BRWD1: variants seen among roughly 807,000 people sequenced by gnomAD.
BRWD1 encodes the protein bromodomain and WD repeat domain containing 1, also known as bromodomain and WD repeat-containing protein 1.
A neutral mutation model predicts 251.2 loss-of-function variants in BRWD1; 82 were observed. That is an observed-to-expected ratio of 0.33 (90% CI 0.27 to 0.39). The LOEUF (loss-of-function observed/expected upper bound fraction) is 0.39. Among genes scored for constraint, BRWD1 ranks in the 10% least tolerant of loss-of-function variants. The pLI is 1.00. For missense variants in BRWD1, 2,233 were observed against 2,711.6 expected, an observed-to-expected ratio of 0.82 and a Z score of 3.92; for synonymous variants, 918 against 902.8, an observed-to-expected ratio of 1.02 and a Z score of -0.30.
chr21:39,189,113 A>T lies in BRWD1; in HGVS notation c.*7146T>A, dbSNP rs2031409727. The stretch of plus-strand genomic sequence containing the variant: ...ATCTTTAACACATTAAATCAATGTT[A>T]GCAAATGCTAAAATGTAAATATGCT... On this transcript the variant is annotated 3_prime_UTR_variant, in exon 41 of 41. Coordinates refer to ENST00000342449, the MANE Select transcript of BRWD1 (RefSeq NM_033656.4). 1 of 984,164 alleles carries T rather than the reference A, an allele frequency of 1.0e-6. No homozygotes were observed. Among genetic ancestry groups the T allele is most frequent in the Admixed American group, 6.1e-5 (1 of 16,266 alleles). The allele number at this position is 984,164 out of a possible 1,614,324, so 61.0% of individuals were successfully genotyped here.
chr21:39,272,088 G>A lies in BRWD1; in HGVS notation c.1245-1655C>T, dbSNP rs866838611. On this transcript the variant is annotated intron_variant, in intron 13 of 40. Transcript: ENST00000342449. Reference sequence around the variant, plus strand: ...AATTACAAAAAAAAAACACACAGAAGAGAGAATAATTCTAACTAGATTGAT... The same window carrying A: ...AATTACAAAAAAAAAACACACAGAAAAGAGAATAATTCTAACTAGATTGAT... Among the ~76,000 whole-genome samples the A allele has an allele frequency of 1.1e-3, 172 of 149,622 alleles. 6 individuals carry two copies. The highest frequency in any genetic ancestry group is 4.4e-4 in the Non-Finnish European group (30 of 67,594).
At chr21:39,250,483 TTAG>T (rs1343231698) in intron 20 of BRWD1, among the ~76,000 whole-genome samples, 1 of 151,768 alleles carries the variant, frequency 6.6e-6, no homozygotes, top group Non-Finnish European at 1.5e-5. Context: ...AATGAGAATT[TTAG>T]TAGAAAACTG....
In BRWD1 at chr21:39,196,489, A is replaced by C. The variant is rs2031822469; in HGVS notation, c.6580T>G (p.Phe2194Val). 8 of 1,613,334 alleles carry C rather than the reference A, an allele frequency of 5.0e-6. No individual in the cohort carries two copies. The South Asian group carries it at 7.7e-5, about 16-fold the overall frequency. ...ACAGTTTTAGATATGTTAGCTGTAA[A>C]AGTTTTACCTTTTCTAACTACTTTT... is the stretch of plus-strand genomic sequence containing the variant. Reference protein sequence around the residue: ...KAKVVRKGKTFTANISKTVRR... With the variant: ...KAKVVRKGKTVTANISKTVRR... Residue 2194 changes from phenylalanine (F) to valine (V), a missense_variant, in exon 41 of 41, where the codon TTT becomes GTT. Phe to Val is a conservative substitution (Grantham distance 50). Transcript: ENST00000342449.
In BRWD1 at chr21:39,197,367, C is replaced by T. The variant is rs1467078657; in HGVS notation, c.5702G>A (p.Arg1901Lys). Residue 1901 changes from arginine to lysine, a missense_variant, in exon 41 of 41, where the codon AGG becomes AAG. Physicochemically the swap from Arg to Lys is conservative, Grantham distance 26. Coordinates refer to ENST00000342449, the MANE Select transcript of BRWD1 (RefSeq NM_033656.4). ...ACTGTCTGAGTCACTGGAACAGACC[C>T]TTTTCCTGGAAATTTTTCTGCTTAG... ...NGLSRKISRK[R>K]VCSSDSDSSL... 3.1e-6 allele frequency: 5 copies of T among 1,606,106 alleles called. No individual in the cohort carries two copies. The highest frequency in any genetic ancestry group is 1.3e-5 in the African/African-American group (1 of 74,502).
At chr21:39,201,605 G>A (rs763960880) in intron 38 of BRWD1, among the ~76,000 whole-genome samples, 5 of 152,078 alleles carry the variant, frequency 3.3e-5, no homozygotes, top group Admixed American at 6.6e-5. Flanking sequence ...TATCACTAGT[G>A]CCATTTTCAA....
chr21:39,187,016 C>T lies in BRWD1; in HGVS notation c.*9243G>A. On this transcript the variant is annotated 3_prime_UTR_variant, in exon 41 of 41. Transcript: ENST00000342449. Reference sequence around the variant, plus strand: ...TGTTTTCAGATGCCACTTCTACATTCTCATAGTCACTATTGTGCATTTTCT... The same window carrying T: ...TGTTTTCAGATGCCACTTCTACATTTTCATAGTCACTATTGTGCATTTTCT... 1 of 1,538,332 alleles carries T rather than the reference C, an allele frequency of 6.5e-7. No individual in the cohort carries two copies. Among genetic ancestry groups the T allele is most frequent in the Non-Finnish European group, 8.7e-7 (1 of 1,149,890 alleles).
intron 37 of BRWD1, among the ~76,000 whole-genome samples, chr21:39,205,354 G>C (rs2032337992): frequency 7.2e-6 from 1 of 139,648 alleles, no homozygotes; most frequent in Non-Finnish European, 1.6e-5. Context: ...ACACACCCCT[G>C]TTATCCCAAC....
Position 39,191,310 on chromosome 21 carries a change from A to G in BRWD1, c.*4949T>C. On this transcript the variant is annotated 3_prime_UTR_variant, in exon 41 of 41. Coordinates refer to ENST00000342449, the MANE Select transcript of BRWD1 (RefSeq NM_033656.4). ...GCACCCCTATATTCTGCCTGCATGA[A>G]AAGAAATTACCAGTGGAAAAGAGGT... 1.0e-6 allele frequency: 1 copy of G among 985,364 alleles called. No individual in the cohort carries two copies. Among genetic ancestry groups the G allele is most frequent in the Non-Finnish European group, 1.2e-6 (1 of 829,912 alleles). The allele number at this position is 985,364 out of a possible 1,614,324, so 61.0% of individuals were successfully genotyped here. A position where few individuals can be genotyped will look rare whatever the true frequency, so the allele number is the denominator to read the frequency against.
At chr21:39,258,410 T>G in intron 18 of BRWD1, 77 bp downstream of exon 18, 1 of 1,242,616 alleles carries the variant, frequency 8.0e-7, no homozygotes, top group East Asian at 2.5e-5. Flanking sequence ...ACATTACATG[T>G]ACCTGACAAA....
chr21:39,303,706 C>G (rs2036194272), intron 4 of BRWD1, among the ~76,000 whole-genome samples: 1 of 150,398 alleles, frequency 6.6e-6, no homozygotes, highest in Admixed American at 6.6e-5. Flanking sequence ...GCCTGTGGTT[C>G]CAGCTACTCA....
At chr21:39,285,779 A>G (rs1254242226) in intron 8 of BRWD1, among the ~76,000 whole-genome samples, 1 of 148,974 alleles carries the variant, frequency 6.7e-6, no homozygotes, top group East Asian at 2.0e-4. Flanking sequence ...ACACAAAAAA[A>G]CTTAGCCAGG....
chr21:39,262,789 A>G (rs536233369), intron 17 of BRWD1, among the ~76,000 whole-genome samples: 6 of 152,322 alleles, frequency 3.9e-5, no homozygotes, highest in African/African-American at 1.2e-4. Context: ...CACTGATTAC[A>G]AGGGACTGGG....
intron 17 of BRWD1, among the ~76,000 whole-genome samples, chr21:39,259,368 G>A (rs1016583444): frequency 6.6e-6 from 1 of 152,096 alleles, no homozygotes. Context: ...TTGGCTTACT[G>A]CAAGCTCTGC....
chr21:39,200,560 G>A lies in BRWD1; in HGVS notation c.4586-174C>T, dbSNP rs187779592. Reference sequence around the variant, plus strand: ...TCCCAAAAAAAGCTGATGAAATTTGGAGTATTAAAAGGTACATAATCAGCA... The same window carrying A: ...TCCCAAAAAAAGCTGATGAAATTTGAAGTATTAAAAGGTACATAATCAGCA... On this transcript the variant is annotated intron_variant, in intron 38 of 40. Transcript: ENST00000342449. The A allele has an allele frequency of 6.0e-6, 3 of 501,126 alleles. No individual in the cohort carries two copies. In the East Asian group the frequency reaches 1.1e-4, roughly 18 times the overall value. The allele number at this position is 501,126 out of a possible 1,614,324, so 31.0% of individuals were successfully genotyped here. A position where few individuals can be genotyped will look rare whatever the true frequency, so the allele number is the denominator to read the frequency against.
chr21:39,277,776 G>A (rs1311975212), intron 10 of BRWD1, among the ~76,000 whole-genome samples: 1 of 152,052 alleles, frequency 6.6e-6, no homozygotes, highest in East Asian at 1.9e-4. Context: ...ATGTTGGTCA[G>A]GATGGTCTCG....
At chr21:39,314,854 GTTCC>G (rs1276585949), upstream of BRWD1, 1 of 157,638 alleles carries the variant, frequency 6.3e-6, no homozygotes. Context: ...GGGTCTCAGT[GTTCC>G]TTACTAGTAA....
intron 25 of BRWD1, among the ~76,000 whole-genome samples, chr21:39,230,101 A>C (rs1317026809): frequency 1.3e-5 from 2 of 152,228 alleles, no homozygotes; most frequent in Non-Finnish European, 2.9e-5. Context: ...CATTCTACTT[A>C]TTCATAAGTG....
chr21:39,297,426 C>G (rs746687710), intron 5 of BRWD1: 12 of 984,816 alleles, frequency 1.2e-5, no homozygotes, highest in Non-Finnish European at 1.4e-5. Flanking sequence ...AAGGTCTGGC[C>G]AGTTCTAAAT....
downstream of BRWD1, chr21:39,184,957 G>C (rs1253111192): frequency 2.0e-5 from 3 of 152,066 alleles, no homozygotes; most frequent in African/African-American, 4.8e-5. Flanking sequence ...TCTTCAATTT[G>C]ATTTCACAGT....
Sources: allele counts gnomAD v4.1 joint callset (sites outside exome capture counted in the v4.1 genomes callset), GRCh38; gene constraint gnomAD v4.1.1; transcripts MANE v1.5; gene names NCBI Gene and HGNC (gene_info 2026-07-23, HGNC 2026-07-21).